The following SATB1 variants were observed in gnomAD, a reference collection of about 807,000 sequenced individuals.
SATB1 encodes the protein DNA-binding protein SATB1.
A neutral mutation model predicts 86.9 loss-of-function variants in SATB1; 11 were observed. The observed-to-expected ratio is 0.13, with a 90% confidence interval of 0.08 to 0.21. SATB1 has a LOEUF of 0.21. Ranked by LOEUF, SATB1 falls within the 10% of genes least tolerant of loss-of-function variation. SATB1 has a pLI of 1.00. For missense variants in SATB1, 551 were observed against 937.6 expected, an observed-to-expected ratio of 0.59 and a Z score of 5.39; for synonymous variants, 357 against 357.2, an observed-to-expected ratio of 1.00 and a Z score of 0.01.
intron 4 of SATB1, among the ~76,000 whole-genome samples, 177 bp from the exon 5 acceptor site, chr3:18,415,411 G>A (rs1214537365): frequency 6.6e-6 from 1 of 151,972 alleles, no homozygotes; most frequent in East Asian, 1.9e-4. Flanking sequence ...CTGCTGTATC[G>A]ATGCATGAAT....
intron 9 of SATB1, among the ~76,000 whole-genome samples, chr3:18,364,578 A>T (rs561391434): frequency 2.0e-5 from 3 of 152,024 alleles, no homozygotes; most frequent in African/African-American, 7.3e-5. Flanking sequence ...AAATAAAGTC[A>T]TTTTTTTCAT....
chr3:18,378,245 A>G lies in SATB1; in HGVS notation c.1500T>C (p.Asp500=), dbSNP rs201850169. 4 of 1,610,592 alleles carry G rather than the reference A, an allele frequency of 2.5e-6. No individual in the cohort carries two copies. The African/African-American group carries it at 5.3e-5, about 22-fold the overall frequency. ...CACGCTTCATTTCCTGCTGAATCTCATCATAAATGGAAGCATTAATGTTCA... is the reference window on the plus strand; with the variant it reads ...CACGCTTCATTTCCTGCTGAATCTCGTCATAAATGGAAGCATTAATGTTCA... The part of the protein sequence containing the change: ...NTMNINASIY[D]EIQQEMKRAK... The change falls in exon 9 of 11, where the codon GAT becomes GAC. Residue 500 remains aspartate (D), a synonymous_variant. Coordinates refer to ENST00000338745, the MANE Select transcript of SATB1 (RefSeq NM_002971.6).
chr3:18,409,999 G>A (rs775546186), intron 5 of SATB1, among the ~76,000 whole-genome samples: 2 of 152,006 alleles, frequency 1.3e-5, no homozygotes, highest in South Asian at 4.1e-4. Flanking sequence ...TACTGGTCTT[G>A]AGAATATGAA....
chr3:18,384,677 C>T lies in SATB1; in HGVS notation c.1419+1722G>A, dbSNP rs988327964. Among the ~76,000 whole-genome samples the T allele has an allele frequency of 4.6e-5, 7 of 152,026 alleles. 1 individual carries two copies. The highest frequency in any genetic ancestry group is 1.7e-4 in the African/African-American group (7 of 41,410). ...CAAACCAAATTATTTTATTTCATTTCGTATATTTTTTCTTTTTTATCATTC... is the reference window on the plus strand; with the variant it reads ...CAAACCAAATTATTTTATTTCATTTTGTATATTTTTTCTTTTTTATCATTC... On this transcript the variant is annotated intron_variant, in intron 8 of 10. Coordinates refer to ENST00000338745, the MANE Select transcript of SATB1 (RefSeq NM_002971.6).
chr3:18,362,761 T>C (rs997287612), intron 9 of SATB1, among the ~76,000 whole-genome samples: 1 of 147,222 alleles, frequency 6.8e-6, no homozygotes, highest in Non-Finnish European at 1.5e-5. Context: ...ATTATGTTGC[T>C]TCCTAAAGTC....
chr3:18,386,551 G>C lies in SATB1; in HGVS notation c.1267C>G (p.Leu423Val). The C allele has an allele frequency of 6.2e-7, 1 of 1,614,120 alleles. No homozygotes were observed. Residue 423 changes from leucine (L) to valine (V), a missense_variant, in exon 8 of 11, where the codon CTG becomes GTG. Leu to Val is a conservative substitution (Grantham distance 32, BLOSUM62 1). This residue lies in a region of SATB1 where 110 missense variants were observed against 212.2 expected (regional missense o/e 0.52). Coordinates refer to ENST00000338745, the MANE Select transcript of SATB1 (RefSeq NM_002971.6). This position sits in a 1 kb window ranked among gnomAD's most constrained non-coding sequence, Gnocchi z 4.5. ...TTCTGCATAGCCCGAAGGTTTACCA[G>C]CAAAGACTGGGATGCAGTCTTGGGG... The part of the protein sequence containing the change: ...EDPKTASQSL[L>V]VNLRAMQNFL...
At chr3:18,422,290 C>A (rs1454811789) in intron 1 of SATB1, among the ~76,000 whole-genome samples, 1 of 152,078 alleles carries the variant, frequency 6.6e-6, no homozygotes, top group Non-Finnish European at 1.5e-5. Context: ...ATTAGCATGG[C>A]TTTTCTGTAA....
chr3:18,403,810 G>A (rs778847927), intron 5 of SATB1, among the ~76,000 whole-genome samples: 1 of 151,990 alleles, frequency 6.6e-6, no homozygotes, highest in Non-Finnish European at 1.5e-5. Flanking sequence ...TCAATAAAAT[G>A]AGCATTTACT....
intron 8 of SATB1, among the ~76,000 whole-genome samples, chr3:18,383,047 G>GTGCAAGA (rs1696142380): frequency 6.6e-6 from 1 of 152,212 alleles, no homozygotes; most frequent in South Asian, 2.1e-4. Context: ...TCATTATCAG[G>GTGCAAGA]TGCAAGATAT....
At chr3:18,409,670 G>A (rs2125145815) in intron 5 of SATB1, 1 of 152,124 alleles carries the variant, frequency 6.6e-6, no homozygotes, top group South Asian at 2.1e-4. Context: ...GATTCCCACG[G>A]TCAGTAGGGT....
rs550283481 is a variant in SATB1, at chr3:18,375,775, T to A, written c.1575+2395A>T. On this transcript the variant is annotated intron_variant, in intron 9 of 10. Transcript: ENST00000338745. ...AAGCAATCATCAATCTTTCTACATG[T>A]TTTCATAAACAGGGTAGTGCTAACA... Among the ~76,000 whole-genome samples, 3 of 152,248 alleles carry A rather than the reference T, an allele frequency of 2.0e-5. No individual in the cohort carries two copies. The South Asian group carries it at 6.2e-4, about 32-fold the overall frequency.
rs1278387026 is a variant in SATB1, at chr3:18,445,278, G to GCCGAGC, written c.-25+234_-25+239dup. 3.0e-6 allele frequency: 3 copies of GCCGAGC among 984,168 alleles called. No individual in the cohort carries two copies. The East Asian group carries it at 3.4e-4, about 113-fold the overall frequency. 61.0% of individuals were successfully genotyped at this position (984,168 alleles called of 1,614,324 possible). On this transcript the variant is annotated intron_variant, in intron 1 of 3. Transcript: ENST00000415069. ...CTAGGCGCACTGAAGCCCGAGCCGA[G>GCCGAGC]CCGAGCCCGAGCCGCCGCCGCCGCC... is the stretch of plus-strand genomic sequence containing the variant.
rs1699307848 is a variant in SATB1 at position 18,443,888 on chromosome 3, G to A, written c.-25+1630C>T. ...CTCCAAACCCACATTCACGCCAGCA[G>A]CCTCTCCAGGACCGGCCTCGCTACA... On this transcript the variant is annotated intron_variant, in intron 1 of 3. Coordinates refer to the SATB1 transcript ENST00000415069. This position sits in a 1 kb window ranked among gnomAD's most constrained non-coding sequence, Gnocchi z 4.4. 3.3e-5 allele frequency among the ~76,000 whole-genome samples: 5 copies of A among 152,328 alleles called. No individual in the cohort carries two copies. In the South Asian group the frequency reaches 1.0e-3, roughly 32 times the overall value.
At chr3:18,434,593 T>A (rs71312169) in intron 2 of SATB1, among the ~76,000 whole-genome samples, 5,405 of 152,004 alleles carry the variant, frequency 0.036, 111 homozygotes, top group Non-Finnish European at 0.054. Context: ...GTGGGAAAAG[T>A]AGTGGAGAAA....
At chr3:18,417,181 A>G in intron 2 of SATB1, 103 bp from the exon 3 acceptor site, 4 of 1,199,850 alleles carry the variant, frequency 3.3e-6, no homozygotes, top group Non-Finnish European at 4.8e-6. Context: ...AAATAATCAC[A>G]AGAGATTCAC....
exon 2 of SATB1, chr3:18,436,831 A>G (rs1175800921): frequency 6.6e-6 from 1 of 152,212 alleles, no homozygotes; most frequent in East Asian, 1.9e-4. Flanking sequence ...AAGTGGGAAT[A>G]CTAGTGCGTT....
At chr3:18,425,560 T>TG (rs1258500930), upstream of SATB1, among the ~76,000 whole-genome samples, 1 of 147,112 alleles carries the variant, frequency 6.8e-6, no homozygotes, top group Non-Finnish European at 1.5e-5. Context: ...AGTGAGGGAA[T>TG]GGGGGGAGCG....
chr3:18,412,675 T>C (rs1473525670), intron 5 of SATB1, among the ~76,000 whole-genome samples: 1 of 152,076 alleles, frequency 6.6e-6, no homozygotes, highest in African/African-American at 2.4e-5. Context: ...CTAGGCTTTT[T>C]TCACCATGAC....
At chr3:18,441,914 G>A (rs2125212207), upstream of SATB1, among the ~76,000 whole-genome samples, 1 of 152,220 alleles carries the variant, frequency 6.6e-6, no homozygotes, top group Middle Eastern at 3.4e-3. Context: ...TTTCTTTGCA[G>A]AAATAAACCA....
Sources: gnomAD v4.1 joint callset for allele counts (sites outside exome capture counted in the v4.1 genomes callset) on GRCh38, gnomAD v4.1.1 for gene constraint, gnomAD v4.1.1 regional missense constraint, Gnocchi (gnomAD v3.1) non-coding constraint, MANE v1.5 for transcripts, NCBI Gene and HGNC (gene_info 2026-07-23, HGNC 2026-07-21) for gene names.